Variants in CIB1 observed in about 807,000 individuals in gnomAD.
The protein encoded by CIB1 is calcium and integrin binding 1, also known as calcium and integrin-binding protein 1.
A neutral mutation model predicts 25.0 loss-of-function variants in CIB1; 19 were observed. That is an observed-to-expected ratio of 0.76 (90% CI 0.53 to 1.12). The LOEUF is 1.12. Ranked by LOEUF, CIB1 falls within the 50% of genes most tolerant of loss-of-function variation. The probability of loss-of-function intolerance (pLI) is 0.00; values close to 1 mark genes in which losing one functional copy is unlikely to be tolerated. For synonymous variants in CIB1, 104 were observed against 98.5 expected, an observed-to-expected ratio of 1.06 and a Z score of -0.33; for missense variants, 236 against 242.6, an observed-to-expected ratio of 0.97 and a Z score of 0.18.
At chr15:90,258,915 C>T in the CIB1 span, 1 of 1,614,158 alleles carries the variant, frequency 6.2e-7, no homozygotes, top group Non-Finnish European at 8.5e-7. Flanking sequence ...TACCGACAGC[C>T]ACGAGAATCT....
chr15:90,241,889 T>C, the CIB1 span: 1 of 1,614,104 alleles, frequency 6.2e-7, no homozygotes, highest in Non-Finnish European at 8.5e-7. Flanking sequence ...ACGGTGAAGC[T>C]TTCAATGTTG....
the CIB1 span, chr15:90,251,708 C>T: frequency 1.7e-6 from 2 of 1,195,338 alleles, no homozygotes; most frequent in Admixed American, 1.7e-5. Context: ...GCCTGGCGGG[C>T]TTGCCTCTAA....
chr15:90,233,013 C>T (rs1962539083), intron 2 of CIB1, among the ~76,000 whole-genome samples: 1 of 152,152 alleles, frequency 6.6e-6, no homozygotes, highest in African/African-American at 2.4e-5. Context: ...TCAAAGCCTC[C>T]TTTTTAGCAA....
At chr15:90,237,283 C>CTTT (rs35595704), upstream of CIB1, among the ~76,000 whole-genome samples, 20,039 of 113,134 alleles carry the variant, frequency 0.18, 2,620 homozygotes, top group East Asian at 0.56. Context: ...CTTTTTTTCC[C>CTTT]TTTTTTTTTT....
chr15:90,248,578 G>A, the CIB1 span, among the ~76,000 whole-genome samples: 1 of 151,744 alleles, frequency 6.6e-6, no homozygotes, highest in African/African-American at 2.4e-5. Context: ...AGCCAGGCAT[G>A]GTGGTGCGCA....
chr15:90,240,488 A>G, the CIB1 span, among the ~76,000 whole-genome samples: 2 of 151,462 alleles, frequency 1.3e-5, no homozygotes, highest in Non-Finnish European at 2.9e-5. Context: ...AGCCTGGGCA[A>G]CAGAGTGAGA....
the CIB1 span, among the ~76,000 whole-genome samples, chr15:90,239,866 A>G: frequency 1.5e-4 from 23 of 152,324 alleles, no homozygotes; most frequent in Admixed American, 1.5e-3. Flanking sequence ...TCAAGGCTTC[A>G]GGGAGACATG....
chr15:90,262,768 AAG>A, the CIB1 span: 16 of 1,256,912 alleles, frequency 1.3e-5, no homozygotes, highest in South Asian at 3.2e-5. Flanking sequence ...CCCCATGCAC[AAG>A]AGAGAGAGGA....
chr15:90,265,587 C>G, the CIB1 span: 8 of 1,410,716 alleles, frequency 5.7e-6, no homozygotes, highest in Admixed American at 6.3e-5. Context: ...ATCTTACCCC[C>G]ACCAAGTGAA....
the CIB1 span, among the ~76,000 whole-genome samples, chr15:90,261,524 G>A: frequency 6.6e-6 from 1 of 152,130 alleles, no homozygotes; most frequent in African/African-American, 2.4e-5. Flanking sequence ...CGAGTACGGT[G>A]GCTCACACCT....
the CIB1 span, chr15:90,265,630 G>A: frequency 6.5e-7 from 1 of 1,550,078 alleles, no homozygotes; most frequent in Non-Finnish European, 8.8e-7. Flanking sequence ...CCAGCCTCCG[G>A]CCCGCCCCTT....
the CIB1 span, chr15:90,251,412 C>T: frequency 3.5e-6 from 3 of 846,850 alleles, 1 homozygote; most frequent in South Asian, 2.9e-5. Flanking sequence ...GCATGAGCCA[C>T]CGCGCCCAGC....
chr15:90,231,633 T>C, intron 3 of CIB1, 126 bp from the exon 4 acceptor site: 1 of 1,116,740 alleles, frequency 9.0e-7, no homozygotes, highest in South Asian at 1.6e-5. Context: ...GAACAGTCAG[T>C]GCTTTGGGGC....
intron 2 of CIB1, among the ~76,000 whole-genome samples, chr15:90,232,701 G>A (rs567834386): frequency 7.9e-5 from 12 of 152,270 alleles, no homozygotes; most frequent in African/African-American, 1.9e-4. Flanking sequence ...GAGGTCAGGC[G>A]TCTGAGACCA....
At chr15:90,263,194 C>T in the CIB1 span, 2 of 1,438,946 alleles carry the variant, frequency 1.4e-6, no homozygotes, top group Non-Finnish European at 1.8e-6. Context: ...CAAGGGCTGT[C>T]ATTCCAGGAC....
At chr15:90,243,105 G>A in the CIB1 span, 1 of 152,148 alleles carries the variant, frequency 6.6e-6, no homozygotes, top group Non-Finnish European at 1.5e-5. Context: ...GATATCAAAT[G>A]TTAGCACGGT....
chr15:90,262,752 T>C, the CIB1 span: 1 of 1,309,774 alleles, frequency 7.6e-7, no homozygotes, highest in Admixed American at 2.9e-5. Flanking sequence ...TCTGCTGTCT[T>C]CTCCTCCCCA....
At chr15:90,262,834 G>A in the CIB1 span, 1 of 1,247,172 alleles carries the variant, frequency 8.0e-7, no homozygotes, top group South Asian at 1.6e-5. Context: ...TGAGAGAATG[G>A]ACAGCAAAAG....
rs781640515 is a variant in CIB1 at position 90,231,542 on chromosome 15, T to G, written c.196-35A>C. The stretch of plus-strand genomic sequence containing the variant: ...CAAACGCCACAGGACGTGGCCCAGG[T>G]CACACGCTCATTAAAGCCTACCAGA... On this transcript the variant is annotated intron_variant, in intron 3 of 6. Transcript: ENST00000328649. 3 of 1,605,060 alleles carry G rather than the reference T, an allele frequency of 1.9e-6. No homozygotes were observed. The South Asian group carries it at 3.3e-5, about 18-fold the overall frequency.
Sources: allele counts gnomAD v4.1 joint callset (sites outside exome capture counted in the v4.1 genomes callset), GRCh38; gene constraint gnomAD v4.1.1; transcripts MANE v1.5; gene names NCBI Gene and HGNC (gene_info 2026-07-23, HGNC 2026-07-21).